The following HNRNPM variants were observed in gnomAD, a reference collection of about 807,000 sequenced individuals.
HNRNPM encodes the protein CEA receptor.
In HNRNPM, 11 loss-of-function variants were observed where a neutral mutation model predicts 73.1. The observed-to-expected ratio is 0.15, with a 90% CI of 0.09 to 0.25. HNRNPM has a LOEUF of 0.25. Among genes scored for constraint, HNRNPM ranks in the 10% least tolerant of loss-of-function variants. HNRNPM has a pLI of 1.00. For missense variants in HNRNPM, 789 were observed against 1,067.9 expected (o/e 0.74, Z 3.64); for synonymous variants, 407 against 355.2 (o/e 1.15, Z -1.64).
intron 12 of HNRNPM, 167 bp from the exon 13 acceptor site, chr19:8,482,991 C>A: frequency 1.7e-6 from 1 of 596,930 alleles, no homozygotes; most frequent in Non-Finnish European, 3.0e-6. Flanking sequence ...CAAGGACTCT[C>A]CTAGTTCTCT....
intron 2 of HNRNPM, among the ~76,000 whole-genome samples, chr19:8,460,432 A>C (rs918544982): frequency 1.3e-5 from 2 of 152,008 alleles, no homozygotes; most frequent in Non-Finnish European, 2.9e-5. Flanking sequence ...CTCATGCTGG[A>C]CCCCCGGGTG....
intron 1 of HNRNPM, among the ~76,000 whole-genome samples, chr19:8,447,862 T>C (rs1309429694): frequency 1.3e-5 from 2 of 152,130 alleles, no homozygotes; most frequent in Non-Finnish European, 2.9e-5. Context: ...CCGTCTCTAC[T>C]AAAAATACAA....
Position 8,486,216 on chromosome 19 carries a change from G to C in HNRNPM, c.1788G>C (p.Met596Ile). Residue 596 changes from methionine (M) to isoleucine (I), a missense_variant, in exon 14 of 16, where the codon ATG becomes ATC. By Grantham distance (10) the Met-to-Ile change is conservative (BLOSUM62 1). Transcript: ENST00000325495. Reference sequence around the variant, plus strand: ...GCCTCGAGCGCATGGGCCCTGCCATGGGCCCGGCCCTGGGCGCTGGCATTG... The same window carrying C: ...GCCTCGAGCGCATGGGCCCTGCCATCGGCCCGGCCCTGGGCGCTGGCATTG... ...ANSLERMGPA[M>I]GPALGAGIER... The C allele has an allele frequency of 6.3e-7, 1 of 1,591,340 alleles. No individual in the cohort carries two copies. The highest frequency in any genetic ancestry group is 8.5e-7 in the Non-Finnish European group (1 of 1,169,734).
chr19:8,447,647 G>A (rs149646159), intron 1 of HNRNPM, among the ~76,000 whole-genome samples: 1,686 of 152,252 alleles, frequency 0.011, 35 homozygotes, highest in African/African-American at 0.038. Flanking sequence ...CACTTTGGGA[G>A]GCTGAGGTGA....
At chr19:8,445,164 C>T (rs1968042913) in intron 1 of HNRNPM, 53 bp downstream of exon 1, 2 of 1,325,352 alleles carry the variant, frequency 1.5e-6, no homozygotes, top group Non-Finnish European at 1.9e-6. Flanking sequence ...CCGCGGCCGA[C>T]GCGGGCGGCG....
intron 1 of HNRNPM, among the ~76,000 whole-genome samples, chr19:8,448,701 TC>T (rs2064884600): frequency 1.3e-5 from 2 of 151,876 alleles, no homozygotes; most frequent in South Asian, 4.2e-4. Flanking sequence ...GCCAGGATGG[TC>T]TCGATCTCCT....
chr19:8,447,463 C>T (rs1568253833), intron 1 of HNRNPM, among the ~76,000 whole-genome samples: 1 of 152,130 alleles, frequency 6.6e-6, no homozygotes, highest in Non-Finnish European at 1.5e-5. Context: ...CCTCCGCCAC[C>T]TGCTGGGGGC....
intron 7 of HNRNPM, among the ~76,000 whole-genome samples, chr19:8,466,911 T>C (rs1004074866): frequency 6.7e-6 from 1 of 149,340 alleles, no homozygotes; most frequent in Non-Finnish European, 1.5e-5. Context: ...GGTTACAACA[T>C]GGGCATATGC....
intron 1 of HNRNPM, among the ~76,000 whole-genome samples, chr19:8,453,458 T>A (rs2145621598): frequency 6.6e-6 from 1 of 152,294 alleles, no homozygotes; most frequent in African/African-American, 2.4e-5. Flanking sequence ...AATAACATTT[T>A]AAAATAGTAG....
In HNRNPM at chr19:8,466,314, A is replaced by G. The variant is rs757034590; in HGVS notation, c.710A>G (p.Glu237Gly). 1.9e-6 allele frequency: 3 copies of G among 1,614,032 alleles called. No homozygotes were observed. Among genetic ancestry groups the G allele is most frequent in the Non-Finnish European group, 1.7e-6 (2 of 1,180,030 alleles). Residue 237 changes from glutamate to glycine, a missense_variant, in exon 7 of 16, where the codon GAA (glutamate) becomes GGA (glycine). By Grantham distance (98) the Glu-to-Gly change is moderately conservative. This residue lies in a region of HNRNPM where 604 missense variants were observed against 744.0 expected (regional missense o/e 0.81). Transcript: ENST00000325495. ...GTGGTGGTCCGAGCAGACATTCTTG[A>G]AGATAAAGATGGAAAAAGTCGTGGA... ...AGVVVRADIL[E>G]DKDGKSRGIG...
rs754970908 is a variant in HNRNPM at position 8,487,171 on chromosome 19, G to A, written c.2029+96G>A. ...AACCTCCCTCCCAGCCCCCTCCGTC[G>A]GCTCAGGACCCATGGCCTTGCCATG... On this transcript the variant is annotated intron_variant, in intron 15 of 15. Transcript: ENST00000325495. The A allele has an allele frequency of 7.7e-6, 8 of 1,037,760 alleles. 1 individual carries two copies. In the South Asian group the frequency reaches 8.8e-5, roughly 11 times the overall value. 64.3% of individuals were successfully genotyped at this position (1,037,760 alleles called of 1,614,324 possible).
chr19:8,476,096 G>A (rs1970486079), intron 12 of HNRNPM, among the ~76,000 whole-genome samples: 1 of 152,076 alleles, frequency 6.6e-6, no homozygotes, highest in South Asian at 2.1e-4. Flanking sequence ...AGGATTCAGA[G>A]CCTGGGGTAC....
intron 1 of HNRNPM, among the ~76,000 whole-genome samples, chr19:8,449,251 A>G (rs1307112144): frequency 1.3e-5 from 2 of 152,188 alleles, no homozygotes. Context: ...TTAGGGAAAG[A>G]GATACTAGCC....
intron 9 of HNRNPM, 132 bp from the exon 10 acceptor site, chr19:8,471,194 C>T (rs1970107004): frequency 2.0e-6 from 1 of 500,820 alleles, no homozygotes; most frequent in Admixed American, 4.1e-5. Context: ...TTGCATTGGG[C>T]CCTGAGGTCA....
chr19:8,473,149 A>G (rs1350964070), intron 10 of HNRNPM, among the ~76,000 whole-genome samples: 1 of 152,138 alleles, frequency 6.6e-6, no homozygotes, highest in Non-Finnish European at 1.5e-5. Flanking sequence ...AGGCTGAGGC[A>G]AGAGGATCAC....
intron 12 of HNRNPM, among the ~76,000 whole-genome samples, chr19:8,479,409 C>A (rs1030722509): frequency 2.0e-5 from 3 of 152,000 alleles, no homozygotes; most frequent in African/African-American, 7.3e-5. Context: ...TAGCTGTATT[C>A]TTCAAATTTA....
intron 12 of HNRNPM, among the ~76,000 whole-genome samples, chr19:8,482,263 G>C (rs1295357098): frequency 6.6e-6 from 1 of 152,214 alleles, no homozygotes; most frequent in Admixed American, 6.5e-5. Context: ...CCGGGGGACA[G>C]GTTTTAATGG....
intron 15 of HNRNPM, chr19:8,488,361 G>A (rs568656414): frequency 4.2e-6 from 1 of 240,078 alleles, no homozygotes; most frequent in African/African-American, 2.2e-5. Flanking sequence ...TTTGTAACCA[G>A]GGGCGGTGGC....
At chr19:8,480,166 A>C (rs1970808499) in intron 12 of HNRNPM, among the ~76,000 whole-genome samples, 1 of 145,142 alleles carries the variant, frequency 6.9e-6, no homozygotes, top group Admixed American at 6.8e-5. Flanking sequence ...TCACGAGGTT[A>C]GGAGTTCAAG....
Sources: allele counts gnomAD v4.1 joint callset (sites outside exome capture counted in the v4.1 genomes callset), GRCh38; gene constraint gnomAD v4.1.1; regional missense constraint gnomAD v4.1.1; transcripts MANE v1.5; gene names NCBI Gene and HGNC (gene_info 2026-07-23, HGNC 2026-07-21).